PTPRG: variants seen among roughly 807,000 people sequenced by gnomAD.
PTPRG encodes protein tyrosine phosphatase receptor type G.
In PTPRG, 102 loss-of-function variants were observed where a neutral mutation model predicts 165.3. The observed-to-expected ratio is 0.62, with a 90% CI of 0.53 to 0.73. The LOEUF (loss-of-function observed/expected upper bound fraction) is 0.73, where lower values mean the gene tolerates loss of function less well. PTPRG is among the 30% of genes least tolerant of loss of function. PTPRG has a pLI of 0.00. For synonymous variants in PTPRG, 675 were observed against 669.5 expected, an observed-to-expected ratio of 1.01 and a Z score of -0.13; for missense variants, 1,866 against 1,861.4, an observed-to-expected ratio of 1.00 and a Z score of -0.05.
intron 2 of PTPRG, among the ~76,000 whole-genome samples, chr3:61,945,863 C>T (rs2039747541): frequency 6.6e-6 from 1 of 152,152 alleles, no homozygotes; most frequent in African/African-American, 2.4e-5. Flanking sequence ...GACAAGACGG[C>T]TATTTCTGTC....
At chr3:62,047,481 C>T (rs7640546) in intron 4 of PTPRG, among the ~76,000 whole-genome samples, 94,874 of 151,846 alleles carry the variant, frequency 0.62, 30,659 homozygotes, top group Non-Finnish European at 0.68. Context: ...AGGTTAGTGT[C>T]GATCTCCTGA....
intron 2 of PTPRG, among the ~76,000 whole-genome samples, chr3:61,845,212 C>A (rs112463702): frequency 1.6e-3 from 242 of 152,056 alleles, no homozygotes; most frequent in African/African-American, 5.6e-3. Flanking sequence ...CTGCCAAATA[C>A]CTGGTAGGTG....
intron 1 of PTPRG, among the ~76,000 whole-genome samples, chr3:61,565,040 C>T (rs1699873614): frequency 6.6e-6 from 1 of 152,166 alleles, no homozygotes; most frequent in African/African-American, 2.4e-5. Context: ...AGCCAAAATC[C>T]CTTTTTATTT....
intron 26 of PTPRG, among the ~76,000 whole-genome samples, chr3:62,278,968 G>A (rs983116865): frequency 6.6e-6 from 1 of 151,950 alleles, no homozygotes; most frequent in Non-Finnish European, 1.5e-5. Flanking sequence ...AGGGAGACTG[G>A]ACCAAATAAG....
At chr3:62,120,702 A>G (rs566038741) in intron 5 of PTPRG, among the ~76,000 whole-genome samples, 16 of 151,030 alleles carry the variant, frequency 1.1e-4, no homozygotes, top group African/African-American at 3.9e-4. Context: ...GTGAGCCGAG[A>G]TAGTGCCACT....
At chr3:62,209,499 G>A (rs760750057) in intron 12 of PTPRG, among the ~76,000 whole-genome samples, 11 of 151,582 alleles carry the variant, frequency 7.3e-5, no homozygotes, top group Non-Finnish European at 1.3e-4. Flanking sequence ...GTACCCAGCT[G>A]TCTAGGGATT....
chr3:62,203,774 G>T lies in PTPRG; in HGVS notation c.1979G>T (p.Arg660Met), dbSNP rs1700154998. ...CCCACAGACCAGACGGGCGGAAGGA[G>T]GGATGCCGGCCCAGGCCTGGACCCC... ...AVPTDQTGGR[R>M]DAGPGLDPDM... Residue 660 changes from arginine to methionine, a missense_variant, in exon 12 of 30, where the codon AGG (arginine) becomes ATG (methionine). Physicochemically the swap from Arg to Met is moderately conservative, Grantham distance 91 (BLOSUM62 -1). Coordinates refer to ENST00000474889, the MANE Select transcript of PTPRG (RefSeq NM_002841.4). The surrounding 1 kb of genome is among the most constrained non-coding windows in gnomAD (Gnocchi z 6.4). The T allele has an allele frequency of 6.2e-7, 1 of 1,612,066 alleles. No individual in the cohort carries two copies. Among genetic ancestry groups the T allele is most frequent in the African/African-American group, 1.3e-5 (1 of 75,044 alleles).
At chr3:62,118,618 A>G (rs750858424) in intron 5 of PTPRG, 2 of 152,242 alleles carry the variant, frequency 1.3e-5, no homozygotes, top group Non-Finnish European at 2.9e-5. Context: ...TTTTGCTTTT[A>G]CCTTTCCTTC....
intron 2 of PTPRG, among the ~76,000 whole-genome samples, chr3:61,857,536 G>T (rs2037146467): frequency 6.6e-6 from 1 of 152,174 alleles, no homozygotes. Context: ...TATTGACAGT[G>T]ATGATTCTTG....
At chr3:61,925,816 G>T (rs1021180416) in intron 2 of PTPRG, 4 of 462,132 alleles carry the variant, frequency 8.7e-6, no homozygotes, top group African/African-American at 4.0e-5. Context: ...CACCAGAGGG[G>T]ATTAGGATTC....
At chr3:62,032,969 G>A (rs941795867) in intron 4 of PTPRG, among the ~76,000 whole-genome samples, 3 of 152,240 alleles carry the variant, frequency 2.0e-5, no homozygotes, top group Admixed American at 2.0e-4. Flanking sequence ...TTGAATGACC[G>A]ACCTAGTTCT....
chr3:61,583,835 G>A (rs954880439), intron 1 of PTPRG, among the ~76,000 whole-genome samples: 22 of 152,142 alleles, frequency 1.4e-4, no homozygotes, highest in African/African-American at 5.3e-4. Flanking sequence ...CTTGGTTGGT[G>A]TCTCTGAGAT....
chr3:61,940,821 G>A (rs2039605380), intron 2 of PTPRG, among the ~76,000 whole-genome samples: 1 of 151,998 alleles, frequency 6.6e-6, no homozygotes, highest in Non-Finnish European at 1.5e-5. Context: ...CTGCCACCAT[G>A]CCCGGCTAAT....
intron 1 of PTPRG, among the ~76,000 whole-genome samples, chr3:61,740,523 C>G (rs2032934462): frequency 6.6e-6 from 1 of 151,698 alleles, no homozygotes; most frequent in Non-Finnish European, 1.5e-5. Context: ...ATGTTTTGTC[C>G]ATTTTAGCCC....
intron 1 of PTPRG, among the ~76,000 whole-genome samples, chr3:61,676,373 C>T (rs1056167936): frequency 4.9e-5 from 7 of 142,446 alleles, no homozygotes; most frequent in African/African-American, 1.1e-4. Context: ...AGGAGAATGG[C>T]GTGAACCTGG....
chr3:61,795,618 T>C lies in PTPRG; in HGVS notation c.190+46636T>C, dbSNP rs759335533. 1.0e-4 allele frequency among the ~76,000 whole-genome samples: 11 copies of C among 107,552 alleles called. 1 individual carries two copies. Among genetic ancestry groups the C allele is most frequent in the Non-Finnish European group, 1.7e-4 (10 of 59,450 alleles). 70.6% of individuals were successfully genotyped at this position (107,552 alleles called of 152,430 possible). On this transcript the variant is annotated intron_variant, in intron 2 of 29. Coordinates refer to ENST00000474889, the MANE Select transcript of PTPRG (RefSeq NM_002841.4). ...TCGTGCCACTGCACTCCAGCCTGGG[T>C]GACAGAGCAAGACTCCGTCTCAAAA...
intron 14 of PTPRG, among the ~76,000 whole-genome samples, chr3:62,235,013 TTC>T (rs1033573297): frequency 2.2e-4 from 34 of 151,918 alleles, no homozygotes; most frequent in African/African-American, 7.5e-4. Context: ...ATATAATACC[TTC>T]TTAGATCCTT....
rs552432039 is a variant in PTPRG at position 62,138,088 on chromosome 3, C to T, written c.682+5420C>T. Reference sequence around the variant, plus strand: ...TTAGACCACTGCTGCACTGTATGTTCATTAGCAGTTCCTGGGCCAAATGCA... The same window carrying T: ...TTAGACCACTGCTGCACTGTATGTTTATTAGCAGTTCCTGGGCCAAATGCA... On this transcript the variant is annotated intron_variant, in intron 6 of 29. Coordinates refer to ENST00000474889, the MANE Select transcript of PTPRG (RefSeq NM_002841.4). Among the ~76,000 whole-genome samples the T allele has an allele frequency of 2.6e-5, 4 of 152,316 alleles. No homozygotes were observed. In the South Asian group the frequency reaches 8.3e-4, roughly 32 times the overall value.
At position 61,616,962 on chromosome 3, in the gene PTPRG, G is replaced by A. The variant is rs145697979; in HGVS notation, c.85+54590G>A. 8.3e-3 allele frequency among the ~76,000 whole-genome samples: 1,269 copies of A among 152,308 alleles called. 7 individuals carry two copies. Among genetic ancestry groups the A allele is most frequent in the South Asian group, 0.013 (63 of 4,828 alleles). On this transcript the variant is annotated intron_variant, in intron 1 of 29. Coordinates refer to ENST00000474889, the MANE Select transcript of PTPRG (RefSeq NM_002841.4). ...GATAACAGAAAACTCAGTAAGAGGG[G>A]CATAAAGTAGGTAGACAGAGAAGAT...
Sources: allele counts gnomAD v4.1 joint callset (sites outside exome capture counted in the v4.1 genomes callset), GRCh38; gene constraint gnomAD v4.1.1; non-coding constraint Gnocchi (gnomAD v3.1); transcripts MANE v1.5; gene names NCBI Gene and HGNC (gene_info 2026-07-23, HGNC 2026-07-21).